The following PAFAH2 variants were observed in gnomAD, a reference collection of about 807,000 sequenced individuals.
The protein encoded by PAFAH2 is platelet-activating factor acetylhydrolase 2, cytoplasmic.
Under a neutral mutation model 49.0 loss-of-function variants are expected in PAFAH2, and 42 were observed. The ratio of observed to expected loss-of-function variants is 0.86; its 90% CI spans 0.67 to 1.11. PAFAH2 has a LOEUF of 1.11. Ranked by LOEUF, PAFAH2 falls within the 50% of genes least tolerant of loss-of-function variation. The pLI, the probability that PAFAH2 is intolerant of heterozygous loss-of-function variation, is 0.00. For missense variants in PAFAH2, 503 were observed against 501.8 expected (o/e 1.00, Z -0.02); for synonymous variants, 184 against 181.3 (o/e 1.01, Z -0.12).
Position 25,979,732 on chromosome 1 carries a change from C to T in PAFAH2, c.666+2632G>A, listed in dbSNP as rs1290037392. Among the ~76,000 whole-genome samples the T allele has an allele frequency of 9.9e-5, 15 of 152,250 alleles. 1 individual carries two copies. Among genetic ancestry groups the T allele is most frequent in the South Asian group, 4.1e-4 (2 of 4,820 alleles). On this transcript the variant is annotated intron_variant, in intron 7 of 10. Coordinates refer to ENST00000374282, the MANE Select transcript of PAFAH2 (RefSeq NM_000437.4). ...CTCGAACTCCTGACCTAAGGTGGTC[C>T]GCCCGCCTCAGCCTCCCAAAGTGCT... is the stretch of plus-strand genomic sequence containing the variant.
chr1:25,976,579 G>A, intron 8 of PAFAH2, 103 bp downstream of exon 8: 1 of 781,980 alleles, frequency 1.3e-6, no homozygotes, highest in South Asian at 1.6e-5. Context: ...TGAATCCTCA[G>A]TCCCTAAACA....
At chr1:25,965,343 C>T (rs115016376) in intron 10 of PAFAH2, among the ~76,000 whole-genome samples, 4,929 of 152,102 alleles carry the variant, frequency 0.032, 285 homozygotes, top group African/African-American at 0.11. Flanking sequence ...CATTGGCTCA[C>T]GCAAAGAATT....
chr1:25,963,496 A>T (rs1284976247), intron 10 of PAFAH2, among the ~76,000 whole-genome samples: 1 of 151,896 alleles, frequency 6.6e-6, no homozygotes, highest in Non-Finnish European at 1.5e-5. Flanking sequence ...GAAGGACCCA[A>T]TGTTTTTTGT....
At chr1:25,992,261 T>C (rs2049886283) in intron 1 of PAFAH2, among the ~76,000 whole-genome samples, 1 of 152,132 alleles carries the variant, frequency 6.6e-6, no homozygotes, top group Non-Finnish European at 1.5e-5. Context: ...GTAGCACTTA[T>C]GCTGGGCCTT....
At chr1:25,985,233 C>T (rs551486151) in intron 4 of PAFAH2, among the ~76,000 whole-genome samples, 1 of 152,288 alleles carries the variant, frequency 6.6e-6, no homozygotes, top group South Asian at 2.1e-4. Flanking sequence ...AGCCTGTTTG[C>T]CCAGCTGAAA....
Position 25,974,612 on chromosome 1 carries a change from TC to T in PAFAH2, c.796del (p.Glu266AsnfsTer28), listed in dbSNP as rs547949556. Reference protein sequence around the residue: ...VALDAWMFPLERDFYPKARGP... With the variant: ...VALDAWMFPLXRDFYPKARGP... ...TCGGGCCTTGGGGTAAAAGTCACGT[TC>T]CAGAGGAAACATCCAAGCATCCAGA... On this transcript the variant is annotated frameshift_variant, in exon 9 of 11. Transcript: ENST00000374282. LOFTEE classifies it high-confidence loss of function. The T allele has an allele frequency of 1.1e-4, 181 of 1,614,024 alleles. 1 individual carries two copies. In the South Asian group the frequency reaches 1.9e-3, roughly 17 times the overall value.
chr1:25,982,713 G>A (rs1226003220), intron 6 of PAFAH2, among the ~76,000 whole-genome samples: 1 of 152,142 alleles, frequency 6.6e-6, no homozygotes, highest in Non-Finnish European at 1.5e-5. Context: ...TAACCACAGG[G>A]CTGTCAGAAG....
intron 6 of PAFAH2, among the ~76,000 whole-genome samples, 169 bp from the exon 7 acceptor site, chr1:25,982,646 A>AT (rs2049709061): frequency 6.6e-6 from 1 of 152,190 alleles, no homozygotes; most frequent in Admixed American, 6.5e-5. Flanking sequence ...TGCAGCTCAC[A>AT]TAAGCACTGC....
chr1:25,992,329 C>T (rs2049887287), intron 1 of PAFAH2, among the ~76,000 whole-genome samples: 2 of 152,018 alleles, frequency 1.3e-5, no homozygotes, highest in Admixed American at 1.3e-4. Flanking sequence ...TAGAAAAAAT[C>T]CTAAGAGGAA....
chr1:25,974,495 C>T lies in PAFAH2; in HGVS notation c.914G>A (p.Arg305Lys), dbSNP rs1419924408. 12 of 1,612,940 alleles carry T rather than the reference C, an allele frequency of 7.4e-6. No individual in the cohort carries two copies. Among genetic ancestry groups the T allele is most frequent in the East Asian group, 2.2e-5 (1 of 44,860 alleles). Reference protein sequence around the residue: ...KKICAQHEQSRIITVLGSVHR... With the variant: ...KKICAQHEQSKIITVLGSVHR... ...GTTTACTCACAGAACGGTTATGATC[C>T]TAGACTGTTCATGCTGGGCACATAT... Residue 305 changes from arginine (R) to lysine (K), a missense_variant, in exon 9 of 11, where the codon AGG (arginine) becomes AAG (lysine). Physicochemically the swap from Arg to Lys is conservative, Grantham distance 26. Coordinates refer to ENST00000374282, the MANE Select transcript of PAFAH2 (RefSeq NM_000437.4).
Position 25,974,592 on chromosome 1 carries a change from C to A in PAFAH2, c.817G>T (p.Ala273Ser). ...FPLERDFYPK[A>S]RGPVFFINTE... Reference sequence around the variant, plus strand: ...TTGATAAAGAACACAGGTCCTCGGGCCTTGGGGTAAAAGTCACGTTCCAGA... The same window carrying A: ...TTGATAAAGAACACAGGTCCTCGGGACTTGGGGTAAAAGTCACGTTCCAGA... Residue 273 changes from alanine to serine, a missense_variant, in exon 9 of 11, where the codon GCC becomes TCC. Ala to Ser is a moderately conservative substitution (Grantham distance 99, BLOSUM62 1). Coordinates refer to ENST00000374282, the MANE Select transcript of PAFAH2 (RefSeq NM_000437.4). 2 of 1,614,116 alleles carry A rather than the reference C, an allele frequency of 1.2e-6. No individual in the cohort carries two copies. Among genetic ancestry groups the A allele is most frequent in the East Asian group, 2.2e-5 (1 of 44,882 alleles).
chr1:25,983,547 A>AC (rs2049727071), intron 6 of PAFAH2, among the ~76,000 whole-genome samples: 1 of 131,376 alleles, frequency 7.6e-6, no homozygotes, highest in Admixed American at 8.4e-5. Flanking sequence ...ACAGAGCAAG[A>AC]TCCTGTCTCA....
rs1308828114 is a variant in PAFAH2 at position 25,990,869 on chromosome 1, T to C, written c.-47-6A>G. ...GCCGGAGCTGAACTTGCTGGCTGGA[T>C]GGGGGAACACAGAACAGCAGCCGCT... is the stretch of plus-strand genomic sequence containing the variant. On this transcript the variant is annotated splice_polypyrimidine_tract_variant and splice_region_variant and intron_variant, in intron 1 of 10. Coordinates refer to ENST00000374282, the MANE Select transcript of PAFAH2 (RefSeq NM_000437.4). The C allele has an allele frequency of 4.8e-6, 7 of 1,451,454 alleles. No individual in the cohort carries two copies. In the African/African-American group the frequency reaches 9.8e-5, roughly 20 times the overall value. 89.9% of individuals were successfully genotyped at this position (1,451,454 alleles called of 1,614,324 possible).
chr1:25,964,496 A>C (rs2049391625), intron 10 of PAFAH2, among the ~76,000 whole-genome samples: 1 of 152,178 alleles, frequency 6.6e-6, no homozygotes, highest in African/African-American at 2.4e-5. Context: ...GCCTGAGCCC[A>C]GGAGTTTGAG....
chr1:25,990,556 A>G (rs1042578248), intron 2 of PAFAH2, among the ~76,000 whole-genome samples, 171 bp downstream of exon 2: 1 of 152,138 alleles, frequency 6.6e-6, no homozygotes, highest in Non-Finnish European at 1.5e-5. Flanking sequence ...TAATGTTTGG[A>G]AAGAGGAAGA....
At position 25,991,645 on chromosome 1, in the gene PAFAH2, C is replaced by A. The variant is rs998644559; in HGVS notation, c.-47-782G>T. On this transcript the variant is annotated intron_variant, in intron 1 of 10. Coordinates refer to ENST00000374282, the MANE Select transcript of PAFAH2 (RefSeq NM_000437.4). ...CGGTGGCTCACGCCTGTAATCCAAG[C>A]ACTTTGGGAGGTCGAGGCGGGCAGA... is the stretch of plus-strand genomic sequence containing the variant. Among the ~76,000 whole-genome samples, 28 of 149,572 alleles carry A rather than the reference C, an allele frequency of 1.9e-4. 1 individual carries two copies. Among genetic ancestry groups the A allele is most frequent in the Admixed American group, 1.8e-3 (27 of 15,056 alleles).
intron 6 of PAFAH2, 94 bp from the exon 7 acceptor site, chr1:25,982,571 T>G (rs950405988): frequency 8.3e-6 from 8 of 965,510 alleles, no homozygotes; most frequent in Admixed American, 2.0e-5. Flanking sequence ...AATGCACAGA[T>G]AGTCTACCCA....
intron 6 of PAFAH2, among the ~76,000 whole-genome samples, 171 bp from the exon 7 acceptor site, chr1:25,982,648 A>T (rs2049709112): frequency 6.6e-6 from 1 of 152,134 alleles, no homozygotes; most frequent in Non-Finnish European, 1.5e-5. Context: ...CAGCTCACAT[A>T]AGCACTGCCT....
intron 8 of PAFAH2, among the ~76,000 whole-genome samples, chr1:25,975,143 C>G (rs1228254126): frequency 6.6e-6 from 1 of 152,180 alleles, no homozygotes; most frequent in African/African-American, 2.4e-5. Context: ...TTGGTGCCAA[C>G]AGCAAAACCA....
Sources: allele counts gnomAD v4.1 joint callset (sites outside exome capture counted in the v4.1 genomes callset), GRCh38; gene constraint gnomAD v4.1.1; transcripts MANE v1.5; gene names NCBI Gene and HGNC (gene_info 2026-07-23, HGNC 2026-07-21).